The following CADPS2 variants were observed in gnomAD, a reference collection of about 807,000 sequenced individuals.
The protein encoded by CADPS2 is calcium-dependent secretion activator 2.
In CADPS2, 93 loss-of-function variants were observed where a neutral mutation model predicts 172.5. The observed-to-expected ratio is 0.54, with a 90% CI of 0.46 to 0.64. CADPS2 has a LOEUF of 0.64. Ranked by LOEUF, CADPS2 falls within the 30% of genes least tolerant of loss-of-function variation. The pLI, the probability that CADPS2 is intolerant of heterozygous loss-of-function variation, is 0.00. For synonymous variants in CADPS2, 546 were observed against 555.2 expected, an observed-to-expected ratio of 0.98 and a Z score of 0.23; for missense variants, 1,420 against 1,565.9, an observed-to-expected ratio of 0.91 and a Z score of 1.57.
At chr7:122,809,129 T>C (rs138113305) in intron 1 of CADPS2, among the ~76,000 whole-genome samples, 184 of 152,298 alleles carry the variant, frequency 1.2e-3, no homozygotes, top group African/African-American at 4.1e-3. Flanking sequence ...ATACATTGTA[T>C]AAATATTGTT....
At position 122,669,687 on chromosome 7, in the gene CADPS2, C is replaced by T. The variant is rs577728302; in HGVS notation, c.454-6118G>A. ...GCGGCTACATTTCCCCTGTCCTCAG[C>T]CTGCTGATTAGGTGTGGAGCCTTCC... On this transcript the variant is annotated intron_variant, in intron 2 of 29. Transcript: ENST00000449022. Among the ~76,000 whole-genome samples the T allele has an allele frequency of 2.0e-5, 3 of 152,060 alleles. No individual in the cohort carries two copies. In the East Asian group the frequency reaches 5.9e-4, roughly 30 times the overall value.
At chr7:122,875,790 G>C (rs1416667248) in intron 1 of CADPS2, among the ~76,000 whole-genome samples, 1 of 152,118 alleles carries the variant, frequency 6.6e-6, no homozygotes, top group African/African-American at 2.4e-5. Flanking sequence ...ACTGCACTTA[G>C]AGATAAATTC....
intron 1 of CADPS2, among the ~76,000 whole-genome samples, chr7:122,880,277 G>T (rs1249585122): frequency 1.3e-5 from 2 of 152,120 alleles, no homozygotes; most frequent in African/African-American, 4.8e-5. Context: ...TGCTAATGTG[G>T]TGATTTATCT....
At chr7:122,684,006 C>T (rs2083356616) in intron 2 of CADPS2, among the ~76,000 whole-genome samples, 1 of 152,084 alleles carries the variant, frequency 6.6e-6, no homozygotes, top group African/African-American at 2.4e-5. Context: ...CCACCTGTGA[C>T]CCTTAACTAA....
intron 1 of CADPS2, among the ~76,000 whole-genome samples, chr7:122,871,754 A>G (rs912316485): frequency 6.6e-6 from 1 of 152,098 alleles, no homozygotes; most frequent in Admixed American, 6.6e-5. Context: ...GTAGCACCTG[A>G]CATTGTTTTC....
chr7:122,378,559 T>C (rs1236462338), intron 25 of CADPS2, among the ~76,000 whole-genome samples: 1 of 152,144 alleles, frequency 6.6e-6, no homozygotes, highest in Non-Finnish European at 1.5e-5. Context: ...TGTCTGTTTA[T>C]TAAATTGGGG....
At chr7:122,602,650 C>T (rs1045171943) in intron 6 of CADPS2, among the ~76,000 whole-genome samples, 3 of 151,866 alleles carry the variant, frequency 2.0e-5, no homozygotes, top group Non-Finnish European at 4.4e-5. Context: ...TTTTTGGCTC[C>T]CACTCTGCTT....
chr7:122,539,471 G>A (rs10441358), intron 8 of CADPS2, among the ~76,000 whole-genome samples: 2,296 of 152,180 alleles, frequency 0.015, 59 homozygotes, highest in African/African-American at 0.052. Context: ...AGATACCTAT[G>A]TGGGCAGGAG....
At chr7:122,804,958 C>T (rs981741637) in intron 1 of CADPS2, among the ~76,000 whole-genome samples, 1 of 152,164 alleles carries the variant, frequency 6.6e-6, no homozygotes, top group African/African-American at 2.4e-5. Context: ...TTATCTATCA[C>T]AACCTTGTGT....
intron 15 of CADPS2, among the ~76,000 whole-genome samples, chr7:122,444,638 T>C (rs978596464): frequency 6.6e-6 from 1 of 152,144 alleles, no homozygotes; most frequent in Non-Finnish European, 1.5e-5. Context: ...AAAACAATTT[T>C]TTAAATTGGG....
chr7:122,419,082 C>G (rs1173030651), intron 17 of CADPS2, among the ~76,000 whole-genome samples: 4 of 152,124 alleles, frequency 2.6e-5, no homozygotes, highest in African/African-American at 9.7e-5. Context: ...CTAAACTGTA[C>G]TAGATCAAAG....
chr7:122,596,487 A>T (rs1399605149), intron 6 of CADPS2, among the ~76,000 whole-genome samples: 1 of 152,164 alleles, frequency 6.6e-6, no homozygotes, highest in Non-Finnish European at 1.5e-5. Flanking sequence ...GATGAAGGCA[A>T]ACAGACTCTG....
At chr7:122,369,139 C>CAA (rs1554469693) in intron 25 of CADPS2, among the ~76,000 whole-genome samples, 10 of 84,598 alleles carry the variant, frequency 1.2e-4, no homozygotes, top group Admixed American at 1.1e-3. Flanking sequence ...CCCCCCCCCC[C>CAA]CCCTTTTTTT....
intron 14 of CADPS2, among the ~76,000 whole-genome samples, chr7:122,458,703 C>T (rs975449957): frequency 2.6e-5 from 4 of 152,076 alleles, no homozygotes; most frequent in Non-Finnish European, 1.5e-5. Flanking sequence ...CATATTACTT[C>T]GTTTTTGTGT....
chr7:122,386,772 C>T (rs533210487), intron 24 of CADPS2, among the ~76,000 whole-genome samples: 2 of 152,146 alleles, frequency 1.3e-5, no homozygotes, highest in African/African-American at 4.8e-5. Flanking sequence ...GTAAATGACA[C>T]AACACTTCAG....
chr7:122,675,510 A>G (rs185621207), intron 2 of CADPS2, among the ~76,000 whole-genome samples: 202 of 152,344 alleles, frequency 1.3e-3, no homozygotes, highest in African/African-American at 4.6e-3. Flanking sequence ...TATCCAGTCT[A>G]TCACTGATGG....
At chr7:122,766,572 A>T (rs934151472) in intron 1 of CADPS2, among the ~76,000 whole-genome samples, 1 of 152,174 alleles carries the variant, frequency 6.6e-6, no homozygotes, top group Non-Finnish European at 1.5e-5. Context: ...CTTTGAATAT[A>T]TGGACAGATT....
intron 8 of CADPS2, among the ~76,000 whole-genome samples, chr7:122,516,821 T>C (rs1045723652): frequency 4.6e-5 from 7 of 152,302 alleles, no homozygotes; most frequent in Admixed American, 4.6e-4. Context: ...AAATTAAAGA[T>C]GAATTTCATA....
rs13235975 is a variant in CADPS2 at position 122,835,879 on chromosome 7, C to A, written c.339+50120G>T. On this transcript the variant is annotated intron_variant, in intron 1 of 29. Transcript: ENST00000449022. ...TGAAGGATATTATCCGGGAGAACTTCCCCAATCTAGCAAGGCAGGCCAACA... is the reference window on the plus strand; with the variant it reads ...TGAAGGATATTATCCGGGAGAACTTACCCAATCTAGCAAGGCAGGCCAACA... Among the ~76,000 whole-genome samples the A allele has an allele frequency of 6.2e-3, 951 of 152,280 alleles. 5 individuals carry two copies. Among genetic ancestry groups the A allele is most frequent in the South Asian group, 0.011 (51 of 4,820 alleles).
Sources: gnomAD v4.1 joint callset for allele counts (sites outside exome capture counted in the v4.1 genomes callset) on GRCh38, gnomAD v4.1.1 for gene constraint, MANE v1.5 for transcripts, NCBI Gene and HGNC (gene_info 2026-07-23, HGNC 2026-07-21) for gene names.